The following FAM135B variants were observed in gnomAD, a reference collection of about 807,000 sequenced individuals.
The protein encoded by FAM135B is protein FAM135B.
FAM135B carries 43 observed loss-of-function variants against 127.7 expected under a neutral mutation model. The ratio of observed to expected loss-of-function variants is 0.34; its 90% CI spans 0.26 to 0.43. The LOEUF (loss-of-function observed/expected upper bound fraction) is 0.43. Ranked by LOEUF, FAM135B falls within the 20% of genes least tolerant of loss-of-function variation. The pLI is 1.00. For synonymous variants in FAM135B, 670 were observed against 665.1 expected (o/e 1.01, Z -0.11); for missense variants, 1,558 against 1,725.6 (o/e 0.90, Z 1.72).
At position 138,131,054 on chromosome 8, in the gene FAM135B, T is replaced by G. The variant is rs186273134; in HGVS notation, c.*1539A>C. On this transcript the variant is annotated 3_prime_UTR_variant, in exon 20 of 20. Coordinates refer to ENST00000395297, the MANE Select transcript of FAM135B (RefSeq NM_015912.4). ...AGCTGCCCATCTGGACTCATTCCCA[T>G]GGTCTGCTTTTATTTTTCAAAGTCA... 1 of 152,190 alleles carries G rather than the reference T, an allele frequency of 6.6e-6. No homozygotes were observed. Among genetic ancestry groups the G allele is most frequent in the Non-Finnish European group, 1.5e-5 (1 of 68,024 alleles). 9.4% of individuals were successfully genotyped at this position (152,190 alleles called of 1,614,324 possible).
chr8:138,365,978 G>T (rs562049692), intron 2 of FAM135B, among the ~76,000 whole-genome samples: 1 of 151,978 alleles, frequency 6.6e-6, no homozygotes, highest in African/African-American at 2.4e-5. Context: ...TTTCACCAAA[G>T]CAATTGTAAA....
At position 138,244,803 on chromosome 8, in the gene FAM135B, G is replaced by C. The variant is rs925970316; in HGVS notation, c.543-1735C>G. On this transcript the variant is annotated intron_variant, in intron 6 of 19. Transcript: ENST00000395297. ...GTGGTCTTAATTAGCTTTTCTGGTG[G>C]ATCTGAATCCCTCAAGTGAAATCCA... 3.9e-5 allele frequency among the ~76,000 whole-genome samples: 6 copies of C among 152,122 alleles called. No individual in the cohort carries two copies. In the East Asian group the frequency reaches 1.2e-3, roughly 29 times the overall value.
chr8:138,225,476 A>C (rs1162509291), intron 7 of FAM135B, among the ~76,000 whole-genome samples: 15 of 151,844 alleles, frequency 9.9e-5, no homozygotes. Context: ...CAAAAAAACA[A>C]AAAAAACAAA....
chr8:138,458,258 T>C (rs1292410944), intron 1 of FAM135B, among the ~76,000 whole-genome samples: 1 of 152,248 alleles, frequency 6.6e-6, no homozygotes, highest in African/African-American at 2.4e-5. Context: ...GTTGTCTTTT[T>C]TCTGTTTACC....
intron 9 of FAM135B, among the ~76,000 whole-genome samples, chr8:138,183,144 A>C (rs1554622902): frequency 6.6e-6 from 1 of 152,174 alleles, no homozygotes; most frequent in Non-Finnish European, 1.5e-5. Context: ...TAAGAATAAC[A>C]ATGGCAACAC....
intron 2 of FAM135B, among the ~76,000 whole-genome samples, chr8:138,336,469 C>G (rs1432693711): frequency 6.6e-6 from 1 of 152,018 alleles, no homozygotes; most frequent in Non-Finnish European, 1.5e-5. Flanking sequence ...TCAGAGAATA[C>G]TATAAACACC....
chr8:138,169,428 T>A (rs183564335), intron 11 of FAM135B, among the ~76,000 whole-genome samples: 3 of 152,182 alleles, frequency 2.0e-5, no homozygotes, highest in Non-Finnish European at 4.4e-5. Context: ...TCTGAATATT[T>A]AACTCTTTAA....
At position 138,151,691 on chromosome 8, in the gene FAM135B, A is replaced by G. The variant is rs1269233065; in HGVS notation, c.2784T>C (p.Gly928=). 6.2e-7 allele frequency: 1 copy of G among 1,614,142 alleles called. No homozygotes were observed. The highest frequency in any genetic ancestry group is 8.5e-7 in the Non-Finnish European group (1 of 1,180,040). ...LSNSGISEVE[G]LSQHQVPELS... is the part of the protein sequence containing the mutation. ...ATTCAGGCACCTGATGTTGAGAGAG[A>G]CCCTCAACCTCTGAGATGCCACTGT... Residue 928 remains glycine, a synonymous_variant, in exon 13 of 20, where the codon GGT becomes GGC. Transcript: ENST00000395297.
At chr8:138,308,538 T>C (rs916398875) in intron 3 of FAM135B, among the ~76,000 whole-genome samples, 4 of 152,222 alleles carry the variant, frequency 2.6e-5, no homozygotes, top group African/African-American at 9.6e-5. Context: ...TGTGTTAATA[T>C]TCTGTTCTAA....
intron 13 of FAM135B, 157 bp from the exon 14 acceptor site, chr8:138,148,843 G>A (rs1290020897): frequency 1.8e-6 from 1 of 545,194 alleles, no homozygotes; most frequent in African/African-American, 1.9e-5. Flanking sequence ...GCTAGTGAGT[G>A]AAGCTTTGTT....
chr8:138,335,173 A>G (rs1198299773), intron 2 of FAM135B, among the ~76,000 whole-genome samples: 1 of 152,184 alleles, frequency 6.6e-6, no homozygotes, highest in African/African-American at 2.4e-5. Flanking sequence ...GACATGACCT[A>G]CAGGGCAGGA....
intron 1 of FAM135B, among the ~76,000 whole-genome samples, chr8:138,448,718 T>C (rs571064719): frequency 6.6e-6 from 1 of 151,740 alleles, no homozygotes; most frequent in Admixed American, 6.6e-5. Flanking sequence ...TAACATATTA[T>C]ATTATGAAAT....
chr8:138,152,788 G>A lies in FAM135B; in HGVS notation c.1687C>T (p.Pro563Ser), dbSNP rs2130781698. The A allele has an allele frequency of 1.2e-6, 2 of 1,614,166 alleles. No homozygotes were observed. The highest frequency in any genetic ancestry group is 1.7e-6 in the Non-Finnish European group (2 of 1,180,022). ...YIDVKSSNKN[P>S]SRAEPLVAFN... ...GCCACCAGGGGTTCAGCTCTGGAGG[G>A]GTTCTTATTGCTAGATTTTACGTCA... Residue 563 changes from proline to serine, a missense_variant, in exon 13 of 20, where the codon CCC becomes TCC. By Grantham distance (74) the Pro-to-Ser change is moderately conservative (BLOSUM62 -1). This residue lies in a region of FAM135B where 923 missense variants were observed against 865.3 expected (regional missense o/e 1.07). Transcript: ENST00000395297.
At chr8:138,156,482 C>T (rs868709388) in intron 12 of FAM135B, among the ~76,000 whole-genome samples, 1 of 150,366 alleles carries the variant, frequency 6.7e-6, no homozygotes, top group Non-Finnish European at 1.5e-5. Context: ...ACAAAAAACC[C>T]TTCAAAAAAA....
intron 1 of FAM135B, among the ~76,000 whole-genome samples, chr8:138,496,320 TCTC>T (rs1437122751): frequency 6.6e-6 from 1 of 152,082 alleles, no homozygotes; most frequent in Non-Finnish European, 1.5e-5. Flanking sequence ...AGTGCGGTCT[TCTC>T]CTGAGCCTGG....
chr8:138,334,832 C>G (rs534499483), intron 2 of FAM135B, among the ~76,000 whole-genome samples: 1 of 152,004 alleles, frequency 6.6e-6, no homozygotes, highest in Admixed American at 6.6e-5. Flanking sequence ...TTTGCTATTG[C>G]GAATAGTGCT....
chr8:138,331,929 C>T (rs1428239190), intron 2 of FAM135B, among the ~76,000 whole-genome samples: 2 of 152,146 alleles, frequency 1.3e-5, no homozygotes, highest in East Asian at 1.9e-4. Flanking sequence ...GGTCCCAGAA[C>T]CACCCCTAAC....
intron 1 of FAM135B, among the ~76,000 whole-genome samples, chr8:138,428,945 G>T (rs1023341397): frequency 1.3e-5 from 2 of 152,198 alleles, no homozygotes; most frequent in Admixed American, 6.5e-5. Flanking sequence ...TATGTAGGAG[G>T]CAGTGGCCAA....
chr8:138,373,763 A>G (rs1350774090), intron 1 of FAM135B, among the ~76,000 whole-genome samples: 1 of 152,006 alleles, frequency 6.6e-6, no homozygotes, highest in Non-Finnish European at 1.5e-5. Flanking sequence ...GCCGTCTTCT[A>G]TGGTCGAGAC....
Sources: gnomAD v4.1 joint callset for allele counts (sites outside exome capture counted in the v4.1 genomes callset) on GRCh38, gnomAD v4.1.1 for gene constraint, gnomAD v4.1.1 regional missense constraint, MANE v1.5 for transcripts, NCBI Gene and HGNC (gene_info 2026-07-23, HGNC 2026-07-21) for gene names.